SMG6: variants seen among roughly 807,000 people sequenced by gnomAD.
SMG6 encodes telomerase-binding protein EST1A.
In SMG6, 66 loss-of-function variants were observed where a neutral mutation model predicts 142.2. The ratio of observed to expected loss-of-function variants is 0.46; its 90% confidence interval spans 0.38 to 0.57. SMG6 has a LOEUF of 0.57. Ranked by LOEUF, SMG6 falls within the 20% of genes least tolerant of loss-of-function variation. The probability of loss-of-function intolerance (pLI) is 0.00; values close to 1 mark genes in which losing one functional copy is unlikely to be tolerated. For missense variants in SMG6, 1,793 were observed against 1,832.0 expected (o/e 0.98, Z 0.39); for synonymous variants, 779 against 702.4 (o/e 1.11, Z -1.72).
chr17:2,144,873 A>G lies in SMG6; in HGVS notation c.3357+27785T>C, dbSNP rs140827815. Among the ~76,000 whole-genome samples the G allele has an allele frequency of 5.2e-3, 783 of 151,938 alleles. 6 individuals carry two copies. Among genetic ancestry groups the G allele is most frequent in the Middle Eastern group, 0.01 (3 of 294 alleles). On this transcript the variant is annotated intron_variant, in intron 13 of 18. Transcript: ENST00000263073. ...GGCAGGGCCTCCTACATCATTCCTC[A>G]CCTAGGGCGCACCCCACGCTTTCAG...
chr17:2,172,083 T>C (rs2071520624), intron 13 of SMG6, among the ~76,000 whole-genome samples: 1 of 152,192 alleles, frequency 6.6e-6, no homozygotes, highest in Non-Finnish European at 1.5e-5. Context: ...ATCGGCTTTG[T>C]TTTCTATAAA....
intron 10 of SMG6, among the ~76,000 whole-genome samples, chr17:2,197,418 T>A (rs1016322783): frequency 6.6e-6 from 1 of 151,852 alleles, no homozygotes; most frequent in Non-Finnish European, 1.5e-5. Context: ...AAAATTTAAT[T>A]AGCTGGATGT....
chr17:2,107,807 C>A (rs2069195416), intron 13 of SMG6, among the ~76,000 whole-genome samples: 1 of 152,116 alleles, frequency 6.6e-6, no homozygotes, highest in South Asian at 2.1e-4. Flanking sequence ...CAGGGCCAAG[C>A]GGGGTGGGAC....
chr17:2,168,954 G>A (rs1242610304), intron 13 of SMG6, among the ~76,000 whole-genome samples: 2 of 151,384 alleles, frequency 1.3e-5, no homozygotes, highest in Non-Finnish European at 2.9e-5. Context: ...CACAATGTTG[G>A]CCAGGCTGGT....
At chr17:2,079,541 C>A (rs1282951829) in intron 15 of SMG6, among the ~76,000 whole-genome samples, 1 of 151,190 alleles carries the variant, frequency 6.6e-6, no homozygotes, top group Non-Finnish European at 1.5e-5. Flanking sequence ...GAGGCTGAGG[C>A]AGGAGAATCA....
At chr17:2,298,841 C>G in intron 2 of SMG6, 65 bp downstream of exon 2, 1 of 1,480,614 alleles carries the variant, frequency 6.8e-7, no homozygotes. Context: ...CTTCCTCAGC[C>G]ATAGCAATCT....
chr17:2,282,816 C>T lies in SMG6; in HGVS notation c.2492G>A (p.Ser831Asn). ...CTTTCCTTTCCGCCACTGGTCAGGG[C>T]TCAGGTCAAATTCCTCATGTTGCTT... ...EKKQHEEFDLSPDQWRKGKKS... is the reference protein window; with the variant it reads ...EKKQHEEFDLNPDQWRKGKKS... The change falls in exon 8 of 19, where the codon AGC becomes AAC. Residue 831 changes from serine (S) to asparagine (N), a missense_variant. By Grantham distance (46) the Ser-to-Asn change is conservative. Around this residue, in one of 3 missense-constraint regions of SMG6, gnomAD observed 1,597 missense variants for 1,584.6 expected, o/e 1.01. Transcript: ENST00000263073. The T allele has an allele frequency of 1.2e-6, 2 of 1,614,178 alleles. No homozygotes were observed.
At chr17:2,092,021 G>C (rs1301259008) in intron 13 of SMG6, among the ~76,000 whole-genome samples, 1 of 149,420 alleles carries the variant, frequency 6.7e-6, no homozygotes, top group Non-Finnish European at 1.5e-5. Flanking sequence ...GTCTTGCTCA[G>C]TCACCCAAGC....
chr17:2,150,795 T>C (rs1375931249), intron 13 of SMG6, among the ~76,000 whole-genome samples: 1 of 152,108 alleles, frequency 6.6e-6, no homozygotes, highest in Non-Finnish European at 1.5e-5. Context: ...TTGGTCTAAT[T>C]AGGATACTTG....
intron 13 of SMG6, chr17:2,088,406 G>C: frequency 1.0e-6 from 1 of 985,376 alleles, no homozygotes; most frequent in African/African-American, 1.7e-5. Context: ...ATGGACACAA[G>C]CAACGAGGAG....
intron 8 of SMG6, among the ~76,000 whole-genome samples, chr17:2,276,803 T>C (rs1193226680): frequency 6.6e-6 from 1 of 152,100 alleles, no homozygotes; most frequent in African/African-American, 2.4e-5. Flanking sequence ...TTTTTTGAGA[T>C]GGAGTTTCCC....
chr17:2,108,064 G>T (rs962600529), intron 13 of SMG6, among the ~76,000 whole-genome samples: 6 of 151,458 alleles, frequency 4.0e-5, no homozygotes, highest in Non-Finnish European at 8.8e-5. Context: ...AATCTAACAG[G>T]TTTTTTTTTG....
rs142724485 is a variant in SMG6 at position 2,289,070 on chromosome 17, C to T, written c.2337+3482G>A. On this transcript the variant is annotated intron_variant, in intron 6 of 18. Transcript: ENST00000263073. ...CTCCAGCCTGGGCAACAGAGCAAGA[C>T]TCTGTCTCAAAAAAAAAAAAAAAAA... is the stretch of plus-strand genomic sequence containing the variant. 6.7e-3 allele frequency among the ~76,000 whole-genome samples: 778 copies of T among 115,332 alleles called. 5 individuals are homozygous for T. Among genetic ancestry groups the T allele is most frequent in the African/African-American group, 0.026 (743 of 28,254 alleles). The allele number at this position is 115,332 out of a possible 152,430, so 75.7% of individuals were successfully genotyped here. A position where few individuals can be genotyped will look rare whatever the true frequency, so the allele number is the denominator to read the frequency against.
Position 2,283,584 on chromosome 17 carries a change from A to G in SMG6, c.2448+41T>C, listed in dbSNP as rs146207282. ...GGCACACCAACACTCAGGGAAATGC[A>G]CTATTCGAGGAAGGAAGGGTTCTGC... On this transcript the variant is annotated intron_variant, in intron 7 of 18. Coordinates refer to ENST00000263073, the MANE Select transcript of SMG6 (RefSeq NM_017575.5). The G allele has an allele frequency of 4.5e-5, 66 of 1,482,546 alleles. No homozygotes were observed. The African/African-American group carries it at 8.4e-4, about 19-fold the overall frequency. 91.8% of individuals were successfully genotyped at this position (1,482,546 alleles called of 1,614,324 possible).
rs143783836 is a variant in SMG6, at chr17:2,126,827, C to T, written c.3358-40926G>A. Reference sequence around the variant, plus strand: ...AGCACTTTGGGAGGCTATGGTGGGACGATCACTCGAGGCTGAGGAGTTCAA... The same window carrying T: ...AGCACTTTGGGAGGCTATGGTGGGATGATCACTCGAGGCTGAGGAGTTCAA... On this transcript the variant is annotated intron_variant, in intron 13 of 18. Coordinates refer to ENST00000263073, the MANE Select transcript of SMG6 (RefSeq NM_017575.5). Among the ~76,000 whole-genome samples, 447 of 151,900 alleles carry T rather than the reference C, an allele frequency of 2.9e-3. 5 individuals carry two copies. Among genetic ancestry groups the T allele is most frequent in the African/African-American group, 0.01 (430 of 41,402 alleles).
At chr17:2,083,801 C>A (rs2068485778) in intron 14 of SMG6, among the ~76,000 whole-genome samples, 1 of 152,184 alleles carries the variant, frequency 6.6e-6, no homozygotes, top group Non-Finnish European at 1.5e-5. Context: ...AAAAGAGGGT[C>A]AGAGAAGCTT....
At chr17:2,281,136 T>C (rs2074776086) in intron 8 of SMG6, among the ~76,000 whole-genome samples, 1 of 152,178 alleles carries the variant, frequency 6.6e-6, no homozygotes, top group Non-Finnish European at 1.5e-5. Context: ...TTGACGCTCT[T>C]GGGCTCATTC....
At chr17:2,301,565 G>A (rs192865896) in intron 1 of SMG6, among the ~76,000 whole-genome samples, 2,298 of 149,324 alleles carry the variant, frequency 0.015, 36 homozygotes, top group Non-Finnish European at 0.018. Context: ...ACTCTCGGCC[G>A]GGCGCGGTGG....
intron 8 of SMG6, 59 bp from the exon 9 acceptor site, chr17:2,244,778 G>C: frequency 1.4e-6 from 2 of 1,418,892 alleles, no homozygotes; most frequent in Non-Finnish European, 2.0e-6. Flanking sequence ...TCCTGTTACT[G>C]AACAGAGTCC....
Sources: gnomAD v4.1 joint callset for allele counts (sites outside exome capture counted in the v4.1 genomes callset) on GRCh38, gnomAD v4.1.1 for gene constraint, gnomAD v4.1.1 regional missense constraint, MANE v1.5 for transcripts, NCBI Gene and HGNC (gene_info 2026-07-23, HGNC 2026-07-21) for gene names.